The following DOCK3 variants were observed in gnomAD, a reference collection of about 807,000 sequenced individuals.
The protein encoded by DOCK3 is dedicator of cytokinesis protein 3.
A neutral mutation model predicts 265.6 loss-of-function variants in DOCK3; 60 were observed. That is an observed-to-expected ratio of 0.23 (90% CI 0.18 to 0.28). The LOEUF (loss-of-function observed/expected upper bound fraction) is 0.28. Ranked by LOEUF, DOCK3 falls within the 10% of genes least tolerant of loss-of-function variation. The pLI, the probability that DOCK3 is intolerant of heterozygous loss-of-function variation, is 1.00. For missense variants in DOCK3, 1,981 were observed against 2,594.3 expected, an observed-to-expected ratio of 0.76 and a Z score of 5.14; for synonymous variants, 881 against 938.0, an observed-to-expected ratio of 0.94 and a Z score of 1.11.
intron 38 of DOCK3, among the ~76,000 whole-genome samples, chr3:51,341,934 G>A (rs1382588849): frequency 6.6e-6 from 1 of 152,210 alleles, no homozygotes; most frequent in Non-Finnish European, 1.5e-5. Context: ...CACTGGTTTA[G>A]GCTTCCTTGG....
At chr3:50,939,953 A>T (rs936382742) in intron 5 of DOCK3, among the ~76,000 whole-genome samples, 1 of 152,156 alleles carries the variant, frequency 6.6e-6, no homozygotes, top group African/African-American at 2.4e-5. Context: ...TGCATAGGAG[A>T]TCTCAAGGAA....
intron 40 of DOCK3, 33 bp downstream of exon 40, chr3:51,350,425 A>G: frequency 1.3e-6 from 2 of 1,592,440 alleles, no homozygotes; most frequent in Non-Finnish European, 1.7e-6. Context: ...AAGAACTTAT[A>G]TATTTTACGC....
At chr3:51,049,650 C>T (rs755378564) in intron 5 of DOCK3, among the ~76,000 whole-genome samples, 4 of 151,814 alleles carry the variant, frequency 2.6e-5, no homozygotes, top group African/African-American at 9.7e-5. Context: ...TTTGGATTAG[C>T]GATGCTCAAC....
At chr3:51,272,087 G>A (rs555683388) in intron 24 of DOCK3, among the ~76,000 whole-genome samples, 5 of 152,178 alleles carry the variant, frequency 3.3e-5, no homozygotes, top group Non-Finnish European at 5.9e-5. Context: ...CACATCATAT[G>A]TGATCAAGTT....
chr3:50,820,778 CAA>C (rs922472545), intron 2 of DOCK3, among the ~76,000 whole-genome samples: 6 of 147,388 alleles, frequency 4.1e-5, no homozygotes, highest in African/African-American at 1.5e-4. Flanking sequence ...ACATTCCCAT[CAA>C]AAAGTGTATA....
At chr3:51,270,030 G>T (rs1560322037) in intron 23 of DOCK3, among the ~76,000 whole-genome samples, 1 of 152,162 alleles carries the variant, frequency 6.6e-6, no homozygotes, top group African/African-American at 2.4e-5. Flanking sequence ...CCCAAAGGCT[G>T]TGGAACTGTT....
rs567209891 is a variant in DOCK3 at position 50,808,690 on chromosome 3, T to C, written c.121+29932T>C. 2.4e-4 allele frequency among the ~76,000 whole-genome samples: 37 copies of C among 152,348 alleles called. 1 individual carries two copies. The South Asian group carries it at 5.0e-3, about 20-fold the overall frequency. ...ATGTTCTTGTGGAAGCCATTCTCTTTCCCACAGATTCTGGATCTTACCCTT... is the reference window on the plus strand; with the variant it reads ...ATGTTCTTGTGGAAGCCATTCTCTTCCCCACAGATTCTGGATCTTACCCTT... On this transcript the variant is annotated intron_variant, in intron 2 of 52. Coordinates refer to ENST00000266037, the MANE Select transcript of DOCK3 (RefSeq NM_004947.5).
chr3:51,355,956 A>T, intron 41 of DOCK3, 133 bp from the exon 42 acceptor site: 1 of 1,114,006 alleles, frequency 9.0e-7, no homozygotes, highest in Non-Finnish European at 1.3e-6. Context: ...TAGAGATGCC[A>T]CTGCCTCCCC....
At chr3:50,902,069 GTTGT>G (rs2049233125) in intron 4 of DOCK3, among the ~76,000 whole-genome samples, 2 of 152,208 alleles carry the variant, frequency 1.3e-5, no homozygotes, top group South Asian at 4.1e-4. Context: ...TTTTAGTGTG[GTTGT>G]TTGTTTTTTT....
Position 50,675,233 on chromosome 3 carries a change from C to G in DOCK3, c.-31C>G. 3.4e-5 allele frequency: 39 copies of G among 1,159,574 alleles called. No homozygotes were observed. The highest frequency in any genetic ancestry group is 4.2e-5 in the Non-Finnish European group (39 of 935,236). 71.8% of individuals were successfully genotyped at this position (1,159,574 alleles called of 1,614,324 possible). A position where few individuals can be genotyped will look rare whatever the true frequency, so the allele number is the denominator to read the frequency against. On this transcript the variant is annotated 5_prime_UTR_variant, in exon 1 of 53. Coordinates refer to ENST00000266037, the MANE Select transcript of DOCK3 (RefSeq NM_004947.5). This position sits in a 1 kb window ranked among gnomAD's most constrained non-coding sequence, Gnocchi z 6.1. ...TCCCCGCCGCGTTGTCGCCCGGTCG[C>G]CGCGCCCGCGGGGCCGCGCCCGGCA... is the stretch of plus-strand genomic sequence containing the variant.
At chr3:51,196,701 T>C (rs1044361757) in intron 12 of DOCK3, among the ~76,000 whole-genome samples, 1 of 152,228 alleles carries the variant, frequency 6.6e-6, no homozygotes, top group Admixed American at 6.5e-5. Flanking sequence ...GTAGTTCCTA[T>C]AGTAAATTCT....
rs182937188 is a variant in DOCK3, at chr3:51,330,338, C to T, written c.3488+115C>T. 826 of 937,806 alleles carry T rather than the reference C, an allele frequency of 8.8e-4. 8 individuals carry two copies. In the South Asian group the frequency reaches 9.4e-3, roughly 11 times the overall value. 58.1% of individuals were successfully genotyped at this position (937,806 alleles called of 1,614,324 possible). On this transcript the variant is annotated intron_variant, in intron 33 of 52. Coordinates refer to ENST00000266037, the MANE Select transcript of DOCK3 (RefSeq NM_004947.5). ...TTTAGAGGTTGGTCATCAAGAGGGA[C>T]CTGGGTTGTTCCTGATGGTAGCAAT...
intron 5 of DOCK3, among the ~76,000 whole-genome samples, chr3:51,043,902 C>G (rs1049669549): frequency 6.6e-6 from 1 of 151,852 alleles, no homozygotes; most frequent in Non-Finnish European, 1.5e-5. Flanking sequence ...ATCAGAATGG[C>G]TAATATTAAA....
intron 32 of DOCK3, among the ~76,000 whole-genome samples, chr3:51,316,953 A>T (rs1469596042): frequency 6.6e-6 from 1 of 152,132 alleles, no homozygotes; most frequent in Non-Finnish European, 1.5e-5. Flanking sequence ...AAAAGTTTTT[A>T]ATTTTTATGA....
chr3:51,227,374 T>G lies in DOCK3; in HGVS notation c.1469T>G (p.Ile490Ser). ...YHSNSPRWGE[I>S]IKLPIPIDRF... ...AGTAATAGTCCTCGCTGGGGAGAAA[T>G]TATCAAATTGCCTATCCCCATTGAC... Residue 490 changes from isoleucine to serine, a missense_variant, in exon 16 of 53, where the codon ATT becomes AGT. Around this residue, in one of 4 missense-constraint regions of DOCK3, gnomAD observed 1,357 missense variants for 1,866.8 expected, o/e 0.73. Coordinates refer to ENST00000266037, the MANE Select transcript of DOCK3 (RefSeq NM_004947.5). The G allele has an allele frequency of 6.2e-7, 1 of 1,613,838 alleles. No homozygotes were observed. The highest frequency in any genetic ancestry group is 1.3e-5 in the African/African-American group (1 of 74,998).
chr3:51,236,262 T>G (rs2078344468), intron 19 of DOCK3, 83 bp from the exon 20 acceptor site: 4 of 1,044,370 alleles, frequency 3.8e-6, no homozygotes, highest in Non-Finnish European at 5.9e-6. Flanking sequence ...ACTTTTTTAT[T>G]GGAAGTTAAA....
At chr3:51,286,771 G>A (rs983434241) in intron 27 of DOCK3, among the ~76,000 whole-genome samples, 1 of 152,190 alleles carries the variant, frequency 6.6e-6, no homozygotes, top group Non-Finnish European at 1.5e-5. Context: ...GCCATATGCA[G>A]ATTGAAACTG....
chr3:51,379,564 G>A (rs2088442074), intron 51 of DOCK3: 1 of 985,458 alleles, frequency 1.0e-6, no homozygotes, highest in Non-Finnish European at 1.2e-6. Context: ...CCCGAAGCCT[G>A]CTGCATGGTA....
intron 17 of DOCK3, 32 bp from the exon 18 acceptor site, chr3:51,228,627 CAG>C (rs1203536684): frequency 9.4e-6 from 15 of 1,599,276 alleles, no homozygotes; most frequent in South Asian, 2.3e-5. Context: ...TTGCATGGCT[CAG>C]GGGACATTTT....
Sources: allele counts gnomAD v4.1 joint callset (sites outside exome capture counted in the v4.1 genomes callset), GRCh38; gene constraint gnomAD v4.1.1; regional missense constraint gnomAD v4.1.1; non-coding constraint Gnocchi (gnomAD v3.1); transcripts MANE v1.5; gene names NCBI Gene and HGNC (gene_info 2026-07-23, HGNC 2026-07-21).